Variants in PHC3 observed in about 807,000 individuals in gnomAD.
PHC3 encodes polyhomeotic homolog 3.
A neutral mutation model predicts 107.4 loss-of-function variants in PHC3; 13 were observed. That is an observed-to-expected ratio of 0.12 (90% CI 0.08 to 0.19). PHC3 has a LOEUF of 0.19. PHC3 is among the 10% of genes least tolerant of loss of function. The probability of loss-of-function intolerance (pLI) is 1.00; values close to 1 mark genes in which losing one functional copy is unlikely to be tolerated. For missense variants in PHC3, 992 were observed against 1,210.9 expected, an observed-to-expected ratio of 0.82 and a Z score of 2.68; for synonymous variants, 456 against 427.4, an observed-to-expected ratio of 1.07 and a Z score of -0.83.
chr3:170,180,105 G>A (rs1731137590), intron 1 of PHC3, among the ~76,000 whole-genome samples: 2 of 147,324 alleles, frequency 1.4e-5, no homozygotes, highest in Non-Finnish European at 3.0e-5. Flanking sequence ...TATGTAAACA[G>A]TATTTATATT....
intron 5 of PHC3, chr3:170,147,539 T>C (rs1725186778): frequency 6.6e-6 from 1 of 152,168 alleles, no homozygotes; most frequent in African/African-American, 2.4e-5. Context: ...GCATTGAACA[T>C]GTACAAATTT....
At position 170,117,405 on chromosome 3, in the gene PHC3, C is replaced by A; in HGVS notation, c.2014G>T (p.Val672Phe). The change falls in exon 10 of 15, where the codon GTT (valine) becomes TTT (phenylalanine). Residue 672 changes from valine to phenylalanine, a missense_variant. By Grantham distance (50) the Val-to-Phe change is conservative. This residue lies in a region of PHC3 where 543 missense variants were observed against 590.8 expected (regional missense o/e 0.92). Transcript: ENST00000495893. The part of the protein sequence containing the change: ...VIKSPSDPSH[V>F]SVPPPPLLLP... ...AACAATGGAGGTGGTGGAACAGAAA[C>A]ATGTGAGGGATCTGATGGAGATTTA... 6.2e-7 allele frequency: 1 copy of A among 1,613,754 alleles called. No individual in the cohort carries two copies. The highest frequency in any genetic ancestry group is 8.5e-7 in the Non-Finnish European group (1 of 1,179,818).
At chr3:170,111,107 A>C (rs1193294517) in intron 11 of PHC3, among the ~76,000 whole-genome samples, 2 of 152,188 alleles carry the variant, frequency 1.3e-5, no homozygotes, top group African/African-American at 2.4e-5. Flanking sequence ...GACTTTAAAA[A>C]GTTAGGGAAA....
At chr3:170,112,240 C>G (rs1271694382) in intron 11 of PHC3, among the ~76,000 whole-genome samples, 1 of 151,796 alleles carries the variant, frequency 6.6e-6, no homozygotes, top group Non-Finnish European at 1.5e-5. Flanking sequence ...GAGACGGAAT[C>G]TAGCTCTGTC....
At chr3:170,119,694 A>T (rs919024086) in intron 9 of PHC3, among the ~76,000 whole-genome samples, 1 of 152,186 alleles carries the variant, frequency 6.6e-6, no homozygotes, top group East Asian at 1.9e-4. Flanking sequence ...TGAGCAAGAG[A>T]TGTGAGATTT....
intron 6 of PHC3, among the ~76,000 whole-genome samples, chr3:170,136,920 A>G (rs1723170984): frequency 6.6e-6 from 1 of 151,924 alleles, no homozygotes; most frequent in African/African-American, 2.4e-5. Context: ...GAAAAAAAAG[A>G]AAGGAAGAGA....
intron 2 of PHC3, chr3:170,177,069 T>TA (rs1272066600): frequency 6.1e-6 from 2 of 329,726 alleles, no homozygotes; most frequent in Non-Finnish European, 6.1e-6. Flanking sequence ...AGTGACTTCC[T>TA]AGTTCAATAT....
chr3:170,157,736 A>AT (rs1491158594), intron 4 of PHC3, among the ~76,000 whole-genome samples: 1 of 152,108 alleles, frequency 6.6e-6, no homozygotes, highest in Non-Finnish European at 1.5e-5. Flanking sequence ...ATGGACTCTG[A>AT]TATGTGGCTG....
chr3:170,181,404 C>A lies in PHC3; in HGVS notation c.14+298G>T, dbSNP rs558721168. Among the ~76,000 whole-genome samples the A allele has an allele frequency of 2.5e-3, 377 of 152,268 alleles. 1 individual carries two copies. Among genetic ancestry groups the A allele is most frequent in the Non-Finnish European group, 4.6e-3 (310 of 67,998 alleles). The stretch of plus-strand genomic sequence containing the variant: ...ACAGCGCCTGAGGAGCCCACCCGGG[C>A]TCGTTCCCCGGAAAACCCCAGCTCC... On this transcript the variant is annotated intron_variant, in intron 1 of 14. Transcript: ENST00000495893.
intron 8 of PHC3, among the ~76,000 whole-genome samples, chr3:170,127,006 G>T (rs190898967): frequency 6.6e-6 from 1 of 150,860 alleles, no homozygotes; most frequent in African/African-American, 2.4e-5. Context: ...TTTTTTACTG[G>T]TTAAAAACCA....
chr3:170,162,219 C>T (rs999837386), intron 4 of PHC3, among the ~76,000 whole-genome samples: 1 of 152,174 alleles, frequency 6.6e-6, no homozygotes, highest in Non-Finnish European at 1.5e-5. Flanking sequence ...TCATCAAGTA[C>T]TCTTGTGACA....
intron 8 of PHC3, among the ~76,000 whole-genome samples, chr3:170,123,857 C>CA (rs1553787378): frequency 6.7e-6 from 1 of 148,796 alleles, no homozygotes; most frequent in African/African-American, 2.5e-5. Flanking sequence ...ACTAGAAATA[C>CA]TTTTTTTTTT....
chr3:170,169,691 T>C (rs532840350), intron 4 of PHC3: 1 of 152,362 alleles, frequency 6.6e-6, no homozygotes, highest in East Asian at 1.9e-4. Context: ...CTTCTGTGAA[T>C]GTCACATACA....
chr3:170,155,269 T>C (rs1018991302), intron 4 of PHC3, among the ~76,000 whole-genome samples: 1 of 152,230 alleles, frequency 6.6e-6, no homozygotes, highest in Non-Finnish European at 1.5e-5. Flanking sequence ...AGAGAAACAT[T>C]TCACATTAAA....
intron 4 of PHC3, among the ~76,000 whole-genome samples, chr3:170,169,550 T>A (rs1047733774): frequency 3.9e-5 from 6 of 152,232 alleles, no homozygotes; most frequent in Non-Finnish European, 7.3e-5. Context: ...GGGAATCTGT[T>A]CTTCCTACTT....
rs777343362 is a variant in PHC3 at position 170,128,677 on chromosome 3, G to T, written c.1788+7C>A. On this transcript the variant is annotated splice_region_variant and intron_variant, in intron 8 of 14. Transcript: ENST00000495893. The stretch of plus-strand genomic sequence containing the variant: ...GCAAGAAAGTCAAAGAGCTTCCAAG[G>T]GCTTACCACTGGTGGATCAACAGGT... The T allele has an allele frequency of 3.1e-6, 5 of 1,612,800 alleles. No individual in the cohort carries two copies. Among genetic ancestry groups the T allele is most frequent in the Non-Finnish European group, 4.2e-6 (5 of 1,179,180 alleles).
At chr3:170,120,893 A>G (rs369471097) in intron 9 of PHC3, among the ~76,000 whole-genome samples, 1 of 152,184 alleles carries the variant, frequency 6.6e-6, no homozygotes, top group African/African-American at 2.4e-5. Context: ...GATATTCAAC[A>G]GAACAGAATA....
At chr3:170,101,886 T>C (rs1715547601) in intron 14 of PHC3, among the ~76,000 whole-genome samples, 1 of 151,954 alleles carries the variant, frequency 6.6e-6, no homozygotes, top group Non-Finnish European at 1.5e-5. Context: ...ATGAATATAA[T>C]TGAATTTCAG....
At chr3:170,157,676 G>C (rs972875970) in intron 4 of PHC3, among the ~76,000 whole-genome samples, 2 of 152,090 alleles carry the variant, frequency 1.3e-5, no homozygotes, top group African/African-American at 2.4e-5. Flanking sequence ...ATAAGCAAAT[G>C]ATTTTCTCTC....
Sources: gnomAD v4.1 joint callset for allele counts (sites outside exome capture counted in the v4.1 genomes callset) on GRCh38, gnomAD v4.1.1 for gene constraint, gnomAD v4.1.1 regional missense constraint, MANE v1.5 for transcripts, NCBI Gene and HGNC (gene_info 2026-07-23, HGNC 2026-07-21) for gene names.